DCLK1: variants seen among roughly 807,000 people sequenced by gnomAD.
DCLK1 encodes the protein serine/threonine-protein kinase DCLK1.
DCLK1 carries 16 observed loss-of-function variants against 86.2 expected under a neutral mutation model. The ratio of observed to expected loss-of-function variants is 0.19; its 90% CI spans 0.13 to 0.28. DCLK1 has a LOEUF of 0.28. DCLK1 is among the 10% of genes least tolerant of loss of function. DCLK1 has a pLI of 1.00. For synonymous variants in DCLK1, 369 were observed against 370.5 expected (o/e 1.00, Z 0.05); for missense variants, 590 against 940.2 (o/e 0.63, Z 4.87).
At chr13:35,946,467 C>T (rs1462176196) in intron 4 of DCLK1, among the ~76,000 whole-genome samples, 1 of 152,208 alleles carries the variant, frequency 6.6e-6, no homozygotes, top group Admixed American at 6.5e-5. Flanking sequence ...AGTCAAGTGA[C>T]CACATCACTT....
Position 35,781,463 on chromosome 13 carries a change from C to A in DCLK1, c.2059-6764G>T, listed in dbSNP as rs578221120. 4.6e-5 allele frequency among the ~76,000 whole-genome samples: 7 copies of A among 152,306 alleles called. No homozygotes were observed. In the East Asian group the frequency reaches 1.3e-3, roughly 29 times the overall value. On this transcript the variant is annotated intron_variant, in intron 16 of 16. Transcript: ENST00000360631. Reference sequence around the variant, plus strand: ...TTAATGGGTTATGTTTTTCTCTTAGCAAACAATAGGCCTTACAGTCTATGG... The same window carrying A: ...TTAATGGGTTATGTTTTTCTCTTAGAAAACAATAGGCCTTACAGTCTATGG...
At position 35,847,685 on chromosome 13, in the gene DCLK1, A is replaced by T. The variant is rs1432644647; in HGVS notation, c.1035+6814T>A. ...AGAGCCCAATCATGTATAGATCTTC[A>T]GGGCATGTGTTGGAAATTCCCCGGC... On this transcript the variant is annotated intron_variant, in intron 6 of 16. Coordinates refer to ENST00000360631, the MANE Select transcript of DCLK1 (RefSeq NM_001330071.2). 19 of 980,712 alleles carry T rather than the reference A, an allele frequency of 1.9e-5. No homozygotes were observed. The Admixed American group carries it at 1.2e-3, about 61-fold the overall frequency. 60.8% of individuals were successfully genotyped at this position (980,712 alleles called of 1,614,324 possible). A position where few individuals can be genotyped will look rare whatever the true frequency, so the allele number is the denominator to read the frequency against.
At chr13:36,030,755 G>C (rs1419584893) in intron 3 of DCLK1, among the ~76,000 whole-genome samples, 7 of 152,010 alleles carry the variant, frequency 4.6e-5, no homozygotes, top group African/African-American at 1.7e-4. Context: ...TCGATATAGG[G>C]CACAGAACAA....
At chr13:35,823,396 C>T (rs1480262031) in intron 10 of DCLK1, among the ~76,000 whole-genome samples, 3 of 151,784 alleles carry the variant, frequency 2.0e-5, no homozygotes, top group Admixed American at 6.6e-5. Context: ...CCCCTTCATA[C>T]ACTAGATTTA....
chr13:36,059,504 TC>T (rs1555359701), intron 3 of DCLK1, among the ~76,000 whole-genome samples: 2 of 152,140 alleles, frequency 1.3e-5, no homozygotes, highest in Non-Finnish European at 2.9e-5. Flanking sequence ...GACTATTTTC[TC>T]CACTAAACCC....
intron 3 of DCLK1, among the ~76,000 whole-genome samples, chr13:36,003,801 AC>A (rs1390199156): frequency 3.3e-5 from 5 of 152,232 alleles, no homozygotes; most frequent in African/African-American, 1.2e-4. Context: ...GATTGGAAGG[AC>A]TGAAAAGATA....
At chr13:36,003,317 G>A (rs1566640858) in intron 3 of DCLK1, among the ~76,000 whole-genome samples, 1 of 152,132 alleles carries the variant, frequency 6.6e-6, no homozygotes, top group Non-Finnish European at 1.5e-5. Flanking sequence ...GTGTGTGTGT[G>A]TGTCTGTGTG....
intron 4 of DCLK1, among the ~76,000 whole-genome samples, chr13:35,905,392 G>A (rs1874624138): frequency 6.6e-6 from 1 of 152,302 alleles, no homozygotes; most frequent in East Asian, 1.9e-4. Flanking sequence ...TTGTTCAATG[G>A]TTGAGGAAAG....
At chr13:35,912,746 C>T (rs1298522972) in intron 4 of DCLK1, among the ~76,000 whole-genome samples, 1 of 152,184 alleles carries the variant, frequency 6.6e-6, no homozygotes, top group Admixed American at 6.5e-5. Context: ...CCAAAAAAAG[C>T]TATCACAGTG....
chr13:35,923,147 C>T (rs943000006), intron 4 of DCLK1, among the ~76,000 whole-genome samples: 8 of 152,164 alleles, frequency 5.3e-5, no homozygotes, highest in African/African-American at 1.9e-4. Context: ...AATGCAGGAA[C>T]TCCAGCGGGA....
chr13:36,014,052 C>T (rs1349739738), intron 3 of DCLK1, among the ~76,000 whole-genome samples: 9 of 152,222 alleles, frequency 5.9e-5, no homozygotes, highest in African/African-American at 9.6e-5. Flanking sequence ...GGCAATGCCT[C>T]GCCCTGCTTC....
intron 5 of DCLK1, among the ~76,000 whole-genome samples, chr13:35,863,367 T>C (rs1871538958): frequency 6.6e-6 from 1 of 152,212 alleles, no homozygotes; most frequent in African/African-American, 2.4e-5. Context: ...ACTCAGGAAA[T>C]ATTTAATTAA....
chr13:36,095,807 C>T (rs377425821), intron 3 of DCLK1, among the ~76,000 whole-genome samples: 9 of 152,104 alleles, frequency 5.9e-5, no homozygotes, highest in Admixed American at 3.9e-4. Context: ...ATTTAAGAGC[C>T]ATTGTTGTAG....
At chr13:35,950,340 A>C (rs1384372240) in intron 3 of DCLK1, among the ~76,000 whole-genome samples, 1 of 152,270 alleles carries the variant, frequency 6.6e-6, no homozygotes, top group Non-Finnish European at 1.5e-5. Context: ...CCAACTAACA[A>C]GAAAGAATAA....
In DCLK1 at chr13:35,933,273, T is replaced by C. The variant is rs751878964; in HGVS notation, c.823+14085A>G. Reference sequence around the variant, plus strand: ...TGCTTTCACAGACTGGCATTGAGTGTCTGCGGCTTTTCCAGGTGCATGGTG... The same window carrying C: ...TGCTTTCACAGACTGGCATTGAGTGCCTGCGGCTTTTCCAGGTGCATGGTG... On this transcript the variant is annotated intron_variant, in intron 4 of 16. Coordinates refer to ENST00000360631, the MANE Select transcript of DCLK1 (RefSeq NM_001330071.2). 1.2e-3 allele frequency among the ~76,000 whole-genome samples: 180 copies of C among 152,232 alleles called. 2 individuals are homozygous for C. Among genetic ancestry groups the C allele is most frequent in the Non-Finnish European group, 3.4e-4 (23 of 68,038 alleles).
At chr13:35,886,890 C>T (rs1258094396) in intron 4 of DCLK1, among the ~76,000 whole-genome samples, 1 of 152,106 alleles carries the variant, frequency 6.6e-6, no homozygotes, top group East Asian at 1.9e-4. Context: ...TTCAATATGA[C>T]TAAAAGGTAA....
chr13:36,102,055 T>C (rs1885237945), intron 3 of DCLK1, among the ~76,000 whole-genome samples: 1 of 152,160 alleles, frequency 6.6e-6, no homozygotes, highest in African/African-American at 2.4e-5. Flanking sequence ...TAGTGAGGTT[T>C]TTAAGAATAC....
intron 3 of DCLK1, among the ~76,000 whole-genome samples, chr13:35,975,052 G>A (rs114070635): frequency 6.1e-4 from 93 of 152,272 alleles, no homozygotes; most frequent in African/African-American, 2.2e-3. Context: ...GGCAGAGCTT[G>A]TGTAAGGTCC....
chr13:35,892,640 G>A (rs1310653369), intron 4 of DCLK1, among the ~76,000 whole-genome samples: 1 of 152,172 alleles, frequency 6.6e-6, no homozygotes, highest in Admixed American at 6.5e-5. Context: ...AAATGGTCCA[G>A]TATATAGTTT....
Sources: gnomAD v4.1 joint callset for allele counts (sites outside exome capture counted in the v4.1 genomes callset) on GRCh38, gnomAD v4.1.1 for gene constraint, MANE v1.5 for transcripts, NCBI Gene and HGNC (gene_info 2026-07-23, HGNC 2026-07-21) for gene names.